BTBD10: variants seen among roughly 807,000 people sequenced by gnomAD.
The protein encoded by BTBD10 is BTB domain containing 10.
BTBD10 carries 21 observed loss-of-function variants against 53.2 expected under a neutral mutation model. That is an observed-to-expected ratio of 0.39 (90% CI 0.28 to 0.57). The LOEUF is 0.57. Among genes scored for constraint, BTBD10 ranks in the 20% least tolerant of loss-of-function variants. The pLI is 0.53. For synonymous variants in BTBD10, 149 were observed against 192.7 expected, an observed-to-expected ratio of 0.77 and a Z score of 1.88; for missense variants, 360 against 594.7, an observed-to-expected ratio of 0.61 and a Z score of 4.10.
intron 2 of BTBD10, among the ~76,000 whole-genome samples, chr11:13,427,257 C>A (rs1289520273): frequency 6.6e-6 from 1 of 151,960 alleles, no homozygotes; most frequent in African/African-American, 2.4e-5. Context: ...CAACTATATG[C>A]TATATGGTAC....
intron 2 of BTBD10, among the ~76,000 whole-genome samples, chr11:13,441,511 G>T (rs1950650191): frequency 6.6e-6 from 1 of 151,954 alleles, no homozygotes; most frequent in Non-Finnish European, 1.5e-5. Context: ...AGTACCTAAA[G>T]TTGTTTAGAT....
At chr11:13,461,045 C>T (rs935151532) in intron 1 of BTBD10, among the ~76,000 whole-genome samples, 3 of 152,164 alleles carry the variant, frequency 2.0e-5, no homozygotes, top group Non-Finnish European at 4.4e-5. Context: ...CCTACTATAA[C>T]TATACTTAAA....
chr11:13,448,328 TC>T (rs1950787912), intron 1 of BTBD10, among the ~76,000 whole-genome samples: 1 of 152,124 alleles, frequency 6.6e-6, no homozygotes, highest in Non-Finnish European at 1.5e-5. Context: ...GATTCCATCT[TC>T]CTCTCTTCTC....
intron 8 of BTBD10, 49 bp downstream of exon 8, chr11:13,403,119 C>CT: frequency 8.5e-7 from 1 of 1,171,208 alleles, no homozygotes; most frequent in Non-Finnish European, 1.2e-6. Flanking sequence ...TGTTTTTAAC[C>CT]TTTTTGTTTT....
chr11:13,415,476 G>A (rs1950081374), intron 5 of BTBD10, among the ~76,000 whole-genome samples: 1 of 151,964 alleles, frequency 6.6e-6, no homozygotes, highest in African/African-American at 2.4e-5. Context: ...AAATCAAGCA[G>A]CTGACCAACA....
intron 1 of BTBD10, among the ~76,000 whole-genome samples, chr11:13,458,158 A>C (rs1464331219): frequency 6.8e-6 from 1 of 146,328 alleles, no homozygotes; most frequent in Non-Finnish European, 1.5e-5. Flanking sequence ...AAAAAAAAAA[A>C]CTGTTCCAGT....
chr11:13,401,104 G>C (rs1949706965), intron 8 of BTBD10, among the ~76,000 whole-genome samples: 1 of 148,046 alleles, frequency 6.8e-6, no homozygotes, highest in African/African-American at 2.5e-5. Context: ...AAATATTTAG[G>C]AGTGAAATAT....
At chr11:13,450,155 G>A (rs1591170565) in intron 1 of BTBD10, among the ~76,000 whole-genome samples, 2 of 152,156 alleles carry the variant, frequency 1.3e-5, no homozygotes, top group Admixed American at 1.3e-4. Context: ...AGAATCAGAC[G>A]ACAAGGGCTG....
intron 1 of BTBD10, among the ~76,000 whole-genome samples, chr11:13,460,708 C>T (rs1951076763): frequency 6.6e-6 from 1 of 152,148 alleles, no homozygotes; most frequent in Non-Finnish European, 1.5e-5. Flanking sequence ...GTTGCCAAAC[C>T]CCTCCAATCT....
At chr11:13,451,147 T>C (rs1020124412) in intron 1 of BTBD10, among the ~76,000 whole-genome samples, 4 of 152,122 alleles carry the variant, frequency 2.6e-5, no homozygotes, top group East Asian at 3.9e-4. Flanking sequence ...CCCTGGCTGA[T>C]AGCTAAAATA....
intron 7 of BTBD10, among the ~76,000 whole-genome samples, chr11:13,405,007 A>G (rs76993798): frequency 0.034 from 5,151 of 152,130 alleles, 278 homozygotes; most frequent in African/African-American, 0.12. Context: ...TTCTTTTTCA[A>G]TTCTTCCTTA....
At chr11:13,398,173 G>A (rs1336248480) in intron 8 of BTBD10, among the ~76,000 whole-genome samples, 9 of 152,174 alleles carry the variant, frequency 5.9e-5, no homozygotes, top group East Asian at 5.8e-4. Flanking sequence ...TTGTGTGGGA[G>A]TCTAAGTCTC....
At chr11:13,429,195 G>A (rs531375387) in intron 2 of BTBD10, among the ~76,000 whole-genome samples, 76 of 152,136 alleles carry the variant, frequency 5.0e-4, no homozygotes, top group African/African-American at 1.6e-3. Flanking sequence ...GAAACCTACC[G>A]TCTTTACAAG....
At chr11:13,403,726 T>C (rs1949759919) in intron 7 of BTBD10, among the ~76,000 whole-genome samples, 1 of 152,312 alleles carries the variant, frequency 6.6e-6, no homozygotes, top group African/African-American at 2.4e-5. Flanking sequence ...ACATTTTACA[T>C]TTCATGGATT....
intron 3 of BTBD10, 101 bp from the exon 4 acceptor site, chr11:13,419,846 G>C (rs1950207602): frequency 8.6e-7 from 1 of 1,168,950 alleles, no homozygotes; most frequent in African/African-American, 1.6e-5. Context: ...GTTGTTTTAA[G>C]TCACAGCATT....
chr11:13,443,822 G>A (rs1202478551), intron 2 of BTBD10, among the ~76,000 whole-genome samples: 1 of 152,008 alleles, frequency 6.6e-6, no homozygotes, highest in East Asian at 1.9e-4. Context: ...GACCTCAAGT[G>A]ATCTGCCTGC....
intron 5 of BTBD10, among the ~76,000 whole-genome samples, chr11:13,414,607 T>A (rs111408296): frequency 6.6e-6 from 1 of 151,322 alleles, no homozygotes; most frequent in Non-Finnish European, 1.5e-5. Flanking sequence ...TGAGCCGAGA[T>A]CGCGCCACTG....
chr11:13,414,608 C>A (rs575909235), intron 5 of BTBD10, among the ~76,000 whole-genome samples: 1 of 151,614 alleles, frequency 6.6e-6, no homozygotes, highest in Non-Finnish European at 1.5e-5. Context: ...GAGCCGAGAT[C>A]GCGCCACTGC....
At chr11:13,427,011 T>A (rs1950351486) in intron 2 of BTBD10, among the ~76,000 whole-genome samples, 1 of 151,502 alleles carries the variant, frequency 6.6e-6, no homozygotes, top group Admixed American at 6.6e-5. Context: ...AGCCCAGGAG[T>A]TCGAGACCAG....
Sources: gnomAD v4.1 joint callset for allele counts (sites outside exome capture counted in the v4.1 genomes callset) on GRCh38, gnomAD v4.1.1 for gene constraint, MANE v1.5 for transcripts, NCBI Gene and HGNC (gene_info 2026-07-23, HGNC 2026-07-21) for gene names.